Variants in CDH18 observed in about 807,000 individuals in gnomAD.
CDH18 encodes cadherin 18.
In CDH18, 31 loss-of-function variants were observed where a neutral mutation model predicts 67.9. The observed-to-expected ratio is 0.46, with a 90% CI of 0.34 to 0.62. The LOEUF is 0.62. Ranked by LOEUF, CDH18 falls within the 20% of genes least tolerant of loss-of-function variation. The pLI is 0.01. For synonymous variants in CDH18, 362 were observed against 347.2 expected (o/e 1.04, Z -0.48); for missense variants, 890 against 975.5 (o/e 0.91, Z 1.17).
At chr5:20,131,946 G>A (rs1045032905) in intron 2 of CDH18, among the ~76,000 whole-genome samples, 1 of 152,020 alleles carries the variant, frequency 6.6e-6, no homozygotes, top group Non-Finnish European at 1.5e-5. Flanking sequence ...GGAGTGCAGT[G>A]GTGTGATCTT....
At chr5:19,554,955 A>G (rs1045263314) in intron 8 of CDH18, among the ~76,000 whole-genome samples, 2 of 152,226 alleles carry the variant, frequency 1.3e-5, no homozygotes, top group South Asian at 4.1e-4. Flanking sequence ...CAACAAGCAC[A>G]TGTGTCCAAA....
At chr5:20,324,433 C>T (rs1020837207) in intron 1 of CDH18, among the ~76,000 whole-genome samples, 2 of 151,970 alleles carry the variant, frequency 1.3e-5, no homozygotes, top group Non-Finnish European at 2.9e-5. Flanking sequence ...CCCAGCTACT[C>T]GGGAAGCTGA....
intron 4 of CDH18, among the ~76,000 whole-genome samples, chr5:19,739,386 A>G (rs1457756377): frequency 6.6e-6 from 1 of 152,186 alleles, no homozygotes; most frequent in East Asian, 1.9e-4. Context: ...TGGATCAGAG[A>G]CAAGCCACCC....
intron 2 of CDH18, among the ~76,000 whole-genome samples, chr5:19,915,503 A>C (rs1379658380): frequency 6.6e-6 from 1 of 152,084 alleles, no homozygotes; most frequent in Non-Finnish European, 1.5e-5. Context: ...CGAACAGCCT[A>C]CTGTTGACTG....
rs150416301 is a variant in CDH18, at chr5:20,248,839, A to T, written c.-518+6605T>A. ...TTTATCCACAGTTCTTCTAGAAAGT[A>T]ATCACACCTATATCACAGTGTAATT... On this transcript the variant is annotated intron_variant, in intron 2 of 14. Coordinates refer to the CDH18 transcript ENST00000507958. 7.9e-3 allele frequency among the ~76,000 whole-genome samples: 1,206 copies of T among 152,374 alleles called. 8 individuals carry two copies. Among genetic ancestry groups the T allele is most frequent in the South Asian group, 0.023 (111 of 4,828 alleles).
upstream of CDH18, chr5:19,992,153 C>CATA (rs1366025373): frequency 6.6e-6 from 1 of 151,842 alleles, no homozygotes; most frequent in Non-Finnish European, 1.5e-5. Flanking sequence ...ATTCCTTACT[C>CATA]ATAATAATAA....
chr5:20,392,842 T>A (rs1744982823), intron 1 of CDH18, among the ~76,000 whole-genome samples: 1 of 151,954 alleles, frequency 6.6e-6, no homozygotes, highest in Admixed American at 6.6e-5. Context: ...TCAGCACTTT[T>A]TTTATTTCAG....
chr5:19,965,150 C>T (rs1229139241), intron 2 of CDH18, among the ~76,000 whole-genome samples: 11 of 152,052 alleles, frequency 7.2e-5, no homozygotes, highest in Admixed American at 6.6e-4. Context: ...TCTATACCCG[C>T]GTTTTAAACA....
At chr5:20,535,990 T>C (rs943317369) in intron 1 of CDH18, among the ~76,000 whole-genome samples, 4 of 152,198 alleles carry the variant, frequency 2.6e-5, no homozygotes, top group Non-Finnish European at 5.9e-5. Context: ...TCTTTCCATT[T>C]CTTCAGAGAC....
intron 8 of CDH18, among the ~76,000 whole-genome samples, chr5:19,570,861 C>T (rs12153159): frequency 0.074 from 11,245 of 152,166 alleles, 454 homozygotes; most frequent in African/African-American, 0.089. Flanking sequence ...ATCCTATCAA[C>T]ATATTTATGT....
intron 5 of CDH18, among the ~76,000 whole-genome samples, chr5:19,623,050 CCT>C (rs1365465275): frequency 1.3e-5 from 2 of 152,174 alleles, no homozygotes; most frequent in African/African-American, 4.8e-5. Context: ...CTCTTGCCTT[CCT>C]CTCTTTCTGC....
At chr5:20,056,478 G>GTTTTTT (rs58415003) in intron 2 of CDH18, among the ~76,000 whole-genome samples, 1 of 16,288 alleles carries the variant, frequency 6.1e-5, no homozygotes. Context: ...TCTTTCTTTT[G>GTTTTTT]TTTTTTTTTT....
chr5:20,453,572 TA>T (rs1327231796), intron 1 of CDH18, among the ~76,000 whole-genome samples: 2 of 71,916 alleles, frequency 2.8e-5, no homozygotes, highest in African/African-American at 7.5e-5. Flanking sequence ...TGTATATATA[TA>T]TGTGTGTGTG....
intron 2 of CDH18, among the ~76,000 whole-genome samples, chr5:20,117,847 T>C (rs1748047002): frequency 6.6e-6 from 1 of 152,276 alleles, no homozygotes; most frequent in African/African-American, 2.4e-5. Flanking sequence ...AAAGCACAAT[T>C]AACATTAACT....
chr5:20,113,854 G>A (rs1455979120), intron 2 of CDH18, among the ~76,000 whole-genome samples: 1 of 152,136 alleles, frequency 6.6e-6, no homozygotes, highest in African/African-American at 2.4e-5. Context: ...AGATGGTGCT[G>A]GAGGATGAGC....
chr5:19,605,090 T>C (rs1230671302), intron 6 of CDH18, among the ~76,000 whole-genome samples: 2 of 151,884 alleles, frequency 1.3e-5, no homozygotes, highest in Non-Finnish European at 2.9e-5. Context: ...CAAAATATTA[T>C]GTAAAGGAAA....
intron 9 of CDH18, among the ~76,000 whole-genome samples, chr5:19,539,862 G>T (rs142703772): frequency 2.0e-4 from 31 of 152,138 alleles, no homozygotes; most frequent in Middle Eastern, 3.4e-3. Flanking sequence ...TTCAAGATGA[G>T]ATTTGTGTGG....
chr5:19,878,940 T>G (rs1787329646), intron 2 of CDH18, among the ~76,000 whole-genome samples: 1 of 151,990 alleles, frequency 6.6e-6, no homozygotes, highest in Non-Finnish European at 1.5e-5. Context: ...TTCAAGGAGA[T>G]CAAATAGAAG....
chr5:20,246,364 G>C (rs1407480963), intron 2 of CDH18, among the ~76,000 whole-genome samples: 1 of 152,064 alleles, frequency 6.6e-6, no homozygotes, highest in Non-Finnish European at 1.5e-5. Context: ...TTTTCCAAAT[G>C]ATCCATATTT....
Sources: allele counts gnomAD v4.1 joint callset (sites outside exome capture counted in the v4.1 genomes callset), GRCh38; gene constraint gnomAD v4.1.1; transcripts MANE v1.5; gene names NCBI Gene and HGNC (gene_info 2026-07-23, HGNC 2026-07-21).